Variants in SPNS3 observed in about 807,000 individuals in gnomAD.
SPNS3 encodes the protein SPNS lysolipid transporter 3, sphingosine-1-phosphate (putative), also known as protein spinster homolog 3.
A neutral mutation model predicts 54.4 loss-of-function variants in SPNS3; 51 were observed. The ratio of observed to expected loss-of-function variants is 0.94; its 90% CI spans 0.75 to 1.18. The LOEUF (loss-of-function observed/expected upper bound fraction) is 1.18. Among genes scored for constraint, SPNS3 ranks in the 50% most tolerant of loss-of-function variants. The pLI, the probability that SPNS3 is intolerant of heterozygous loss-of-function variation, is 0.00. For synonymous variants in SPNS3, 309 were observed against 294.7 expected, an observed-to-expected ratio of 1.05 and a Z score of -0.50; for missense variants, 669 against 677.4, an observed-to-expected ratio of 0.99 and a Z score of 0.14.
At chr17:4,455,704 C>T (rs948547899) in intron 8 of SPNS3, among the ~76,000 whole-genome samples, 1 of 152,208 alleles carries the variant, frequency 6.6e-6, no homozygotes, top group East Asian at 1.9e-4. Flanking sequence ...CTGCAGACTA[C>T]TCCATCTGGC....
chr17:4,448,085 G>A (rs1252899624), intron 5 of SPNS3, 70 bp from the exon 6 acceptor site: 9 of 1,440,870 alleles, frequency 6.2e-6, no homozygotes, highest in Non-Finnish European at 8.2e-6. Flanking sequence ...ACTGTGGCCA[G>A]TTGCCCCCGG....
chr17:4,486,362 C>T lies in SPNS3; in HGVS notation c.1278+36C>T, dbSNP rs1309193268. The T allele has an allele frequency of 1.3e-6, 2 of 1,528,238 alleles. No individual in the cohort carries two copies. Among genetic ancestry groups the T allele is most frequent in the Non-Finnish European group, 1.8e-6 (2 of 1,113,244 alleles). The allele number at this position is 1,528,238 out of a possible 1,614,324, so 94.7% of individuals were successfully genotyped here. ...TCTGCGTGTGTGGGGTGGGGAGGGT[C>T]TGGGGGCCAGGCTGGTGGGCCTGGC... On this transcript the variant is annotated intron_variant, in intron 10 of 11. Transcript: ENST00000355530. This position sits in a 1 kb window ranked among gnomAD's most constrained non-coding sequence, Gnocchi z 5.5.
chr17:4,452,872 G>T, intron 7 of SPNS3, 144 bp from the exon 8 acceptor site: 2 of 738,892 alleles, frequency 2.7e-6, no homozygotes, highest in Non-Finnish European at 4.4e-6. Flanking sequence ...TTCTGGGTCA[G>T]GTCAGGGGCC....
chr17:4,453,170 C>G lies in SPNS3; in HGVS notation c.1078C>G (p.Leu360Val), dbSNP rs1371541313. ...LATAPCLYLA[L>V]VLAPTTLLAS... ...CACAGCCCCCTGCCTCTACCTGGCT[C>G]TCGTCCTGGCCCCGACCACCCTGCT... The change falls in exon 8 of 12, where the codon CTC becomes GTC. Residue 360 changes from leucine to valine, a missense_variant. Coordinates refer to ENST00000355530, the MANE Select transcript of SPNS3 (RefSeq NM_182538.5). 1 of 1,613,824 alleles carries G rather than the reference C, an allele frequency of 6.2e-7. No individual in the cohort carries two copies. The highest frequency in any genetic ancestry group is 1.7e-5 in the Admixed American group (1 of 60,010).
rs751397873 is a variant in SPNS3 at position 4,434,003 on chromosome 17, TG to T, written c.39del (p.Pro14GlnfsTer44). On this transcript the variant is annotated frameshift_variant, in exon 1 of 12. Coordinates refer to ENST00000355530, the MANE Select transcript of SPNS3 (RefSeq NM_182538.5). LOFTEE classifies it high-confidence loss of function. Reference protein sequence around the residue: ...GGMSAECPEPGPGGLQGQSPG... With the variant: ...GGMSAECPEPXPGGLQGQSPG... Reference sequence around the variant, plus strand: ...GGATGTCAGCGGAGTGCCCTGAGCCTGGGCCAGGAGGTCTGCAGGGCCAGTC... The same window carrying T: ...GGATGTCAGCGGAGTGCCCTGAGCCTGGCCAGGAGGTCTGCAGGGCCAGTC... The T allele has an allele frequency of 6.3e-7, 1 of 1,589,424 alleles. No homozygotes were observed. Among genetic ancestry groups the T allele is most frequent in the African/African-American group, 1.4e-5 (1 of 73,978 alleles).
chr17:4,447,393 C>T (rs1456041856), intron 5 of SPNS3, among the ~76,000 whole-genome samples: 2 of 152,210 alleles, frequency 1.3e-5, no homozygotes, highest in East Asian at 1.9e-4. Context: ...AAGAAGATGC[C>T]GGGCAGGCCC....
chr17:4,470,412 A>C (rs1011221773), intron 8 of SPNS3, among the ~76,000 whole-genome samples: 1 of 152,168 alleles, frequency 6.6e-6, no homozygotes, highest in Non-Finnish European at 1.5e-5. Context: ...TGGGCAACAG[A>C]GCAAGACCCT....
At chr17:4,435,464 AAAAT>A (rs1555528375) in intron 1 of SPNS3, among the ~76,000 whole-genome samples, 43 of 150,536 alleles carry the variant, frequency 2.9e-4, no homozygotes, top group South Asian at 4.2e-4. Flanking sequence ...TAAAAAATAA[AAAAT>A]AAATAAATAA....
In SPNS3 at chr17:4,445,238, C is replaced by T. The variant is rs79702968; in HGVS notation, c.402+70C>T. 8.3e-3 allele frequency: 12,393 copies of T among 1,490,314 alleles called. 846 individuals are homozygous for T. In the African/African-American group the frequency reaches 0.15, roughly 18 times the overall value. The allele number at this position is 1,490,314 out of a possible 1,614,324, so 92.3% of individuals were successfully genotyped here. A position where few individuals can be genotyped will look rare whatever the true frequency, so the allele number is the denominator to read the frequency against. On this transcript the variant is annotated intron_variant, in intron 3 of 11. Transcript: ENST00000355530. ...ACCTGCTTCCTCCCTGATTCAGCCC[C>T]GTCAGAGCTGCGTGGGGACAATTCT... is the stretch of plus-strand genomic sequence containing the variant.
At position 4,439,937 on chromosome 17, in the gene SPNS3, G is replaced by A. The variant is rs182686572; in HGVS notation, c.265+214G>A. Among the ~76,000 whole-genome samples, 82 of 152,294 alleles carry A rather than the reference G, an allele frequency of 5.4e-4. 1 individual carries two copies. In the East Asian group the frequency reaches 0.014, roughly 26 times the overall value. ...AGTTTGAGTGTAGGGTGCCGCGGGA[G>A]AGCAGGGGGAGGTGGGGCTGGGAGA... is the stretch of plus-strand genomic sequence containing the variant. On this transcript the variant is annotated intron_variant, in intron 2 of 11. Coordinates refer to ENST00000355530, the MANE Select transcript of SPNS3 (RefSeq NM_182538.5).
intron 8 of SPNS3, among the ~76,000 whole-genome samples, chr17:4,461,865 C>T (rs1049338925): frequency 2.1e-4 from 32 of 151,782 alleles, no homozygotes; most frequent in Admixed American, 1.9e-3. Context: ...CTGAGTTTGT[C>T]GGGGGAGGTT....
chr17:4,487,664 G>A (rs889821644), intron 11 of SPNS3, 142 bp from the exon 12 acceptor site: 2 of 764,852 alleles, frequency 2.6e-6, no homozygotes, highest in African/African-American at 3.4e-5. Flanking sequence ...TGGCATTGAA[G>A]GTGATGACAA....
rs556867901 is a variant in SPNS3, at chr17:4,434,103, G to A, written c.136G>A (p.Val46Met). The change falls in exon 1 of 12, where the codon GTG becomes ATG. Residue 46 changes from valine to methionine, a missense_variant. Coordinates refer to ENST00000355530, the MANE Select transcript of SPNS3 (RefSeq NM_182538.5). ...GAGCCTGCCCCCGTGGAGGGCCTACGTGGCTGCCGCCGTCCTCTGCTACAT... is the reference window on the plus strand; with the variant it reads ...GAGCCTGCCCCCGTGGAGGGCCTACATGGCTGCCGCCGTCCTCTGCTACAT... ...SWSLPPWRAY[V>M]AAAVLCYINL... The A allele has an allele frequency of 9.3e-6, 15 of 1,612,378 alleles. No homozygotes were observed. Among genetic ancestry groups the A allele is most frequent in the Admixed American group, 5.0e-5 (3 of 59,870 alleles).
At chr17:4,458,983 C>T (rs1003123184) in intron 8 of SPNS3, among the ~76,000 whole-genome samples, 8 of 152,116 alleles carry the variant, frequency 5.3e-5, no homozygotes, top group African/African-American at 1.9e-4. Context: ...AGTCCTGCCA[C>T]GCAGGTCCCC....
Position 4,486,111 on chromosome 17 carries a change from C to T in SPNS3, c.1180-117C>T. 1 of 849,908 alleles carries T rather than the reference C, an allele frequency of 1.2e-6. No individual in the cohort carries two copies. Among genetic ancestry groups the T allele is most frequent in the Non-Finnish European group, 1.7e-6 (1 of 583,812 alleles). The allele number at this position is 849,908 out of a possible 1,614,324, so 52.6% of individuals were successfully genotyped here. A position where few individuals can be genotyped will look rare whatever the true frequency, so the allele number is the denominator to read the frequency against. ...GACCTTGGGGACCGTCGACTCCCTC[C>T]CATCCCACTCACCTGAATGGCCTGT... On this transcript the variant is annotated intron_variant, in intron 9 of 11. Transcript: ENST00000355530. This position sits in a 1 kb window ranked among gnomAD's most constrained non-coding sequence, Gnocchi z 5.5.
chr17:4,480,821 G>A (rs1040130557), intron 9 of SPNS3, among the ~76,000 whole-genome samples: 2 of 77,632 alleles, frequency 2.6e-5, no homozygotes, highest in Non-Finnish European at 5.2e-5. Flanking sequence ...CAGCCACAAT[G>A]CTTTGCACCA....
chr17:4,455,001 C>T (rs1971268075), intron 8 of SPNS3, among the ~76,000 whole-genome samples: 1 of 151,620 alleles, frequency 6.6e-6, no homozygotes, highest in South Asian at 2.1e-4. Flanking sequence ...GTAACCTCCG[C>T]CTCCTGGGTT....
intron 5 of SPNS3, among the ~76,000 whole-genome samples, chr17:4,447,534 C>T (rs908954897): frequency 6.6e-6 from 1 of 152,206 alleles, no homozygotes; most frequent in Non-Finnish European, 1.5e-5. Flanking sequence ...GCAGGCTGCG[C>T]GCAGACCACT....
intron 9 of SPNS3, among the ~76,000 whole-genome samples, chr17:4,480,521 C>T (rs974712274): frequency 2.8e-4 from 42 of 152,380 alleles, no homozygotes; most frequent in Admixed American, 1.5e-3. Flanking sequence ...CTGCCCCCCA[C>T]GGCGCAGCTC....
Sources: gnomAD v4.1 joint callset for allele counts (sites outside exome capture counted in the v4.1 genomes callset) on GRCh38, gnomAD v4.1.1 for gene constraint, Gnocchi (gnomAD v3.1) non-coding constraint, MANE v1.5 for transcripts, NCBI Gene and HGNC (gene_info 2026-07-23, HGNC 2026-07-21) for gene names.